Variants in LRCH3 observed in about 807,000 individuals in gnomAD.
LRCH3 encodes the protein DISP complex protein LRCH3.
A neutral mutation model predicts 104.5 loss-of-function variants in LRCH3; 68 were observed. That is an observed-to-expected ratio of 0.65 (90% CI 0.54 to 0.80). The LOEUF is 0.80. Ranked by LOEUF, LRCH3 falls within the 30% of genes least tolerant of loss-of-function variation. The probability of loss-of-function intolerance (pLI) is 0.00; values close to 1 mark genes in which losing one functional copy is unlikely to be tolerated. For synonymous variants in LRCH3, 344 were observed against 361.3 expected (o/e 0.95, Z 0.54); for missense variants, 951 against 953.9 (o/e 1.00, Z 0.04).
chr3:197,793,816 A>G (rs1478785714), intron 1 of LRCH3, among the ~76,000 whole-genome samples: 4 of 152,186 alleles, frequency 2.6e-5, no homozygotes, highest in African/African-American at 7.2e-5. Flanking sequence ...TTTATAAGCT[A>G]TTAGACTAGA....
intron 6 of LRCH3, 168 bp from the exon 7 acceptor site, chr3:197,830,602 T>G: frequency 3.5e-6 from 2 of 566,932 alleles, no homozygotes; most frequent in South Asian, 4.2e-5. Context: ...CTATTCTGTT[T>G]GCTTTGTTTC....
rs900767195 is a variant in LRCH3, at chr3:197,886,987, T to C, written c.*3321T>C. ...ATGAAACCTTATTAATGTATTTTTA[T>C]CAAACTAAATCAGATTTGTATTTGA... On this transcript the variant is annotated 3_prime_UTR_variant, in exon 21 of 21. Coordinates refer to ENST00000425562, the MANE Select transcript of LRCH3 (RefSeq NM_001365715.1). 1.3e-5 allele frequency: 2 copies of C among 152,196 alleles called. No individual in the cohort carries two copies. Among genetic ancestry groups the C allele is most frequent in the Non-Finnish European group, 2.9e-5 (2 of 68,040 alleles). 9.4% of individuals were successfully genotyped at this position (152,196 alleles called of 1,614,324 possible).
intron 4 of LRCH3, among the ~76,000 whole-genome samples, 178 bp downstream of exon 4, chr3:197,820,608 C>A (rs1033476462): frequency 6.6e-6 from 1 of 152,122 alleles, no homozygotes; most frequent in Non-Finnish European, 1.5e-5. Flanking sequence ...CCCAGGAATT[C>A]GAGACCAGCC....
chr3:197,883,987 A>G lies in LRCH3; in HGVS notation c.*321A>G, dbSNP rs1186884872. The G allele has an allele frequency of 3.9e-6, 1 of 254,962 alleles. No individual in the cohort carries two copies. Among genetic ancestry groups the G allele is most frequent in the Non-Finnish European group, 7.5e-6 (1 of 133,752 alleles). 15.8% of individuals were successfully genotyped at this position (254,962 alleles called of 1,614,324 possible). On this transcript the variant is annotated 3_prime_UTR_variant, in exon 21 of 21. Coordinates refer to ENST00000425562, the MANE Select transcript of LRCH3 (RefSeq NM_001365715.1). This position sits in a 1 kb window ranked among gnomAD's most constrained non-coding sequence, Gnocchi z 4.2. ...AGAAAGCACATCTTCTGTGTTAGGC[A>G]CAAGCATGCTGTGCCATTGTTTTTA... is the stretch of plus-strand genomic sequence containing the variant.
At chr3:197,872,480 C>T (rs918820353) in intron 19 of LRCH3, among the ~76,000 whole-genome samples, 3 of 151,990 alleles carry the variant, frequency 2.0e-5, no homozygotes, top group African/African-American at 7.3e-5. Context: ...CCTGTAGTCC[C>T]AGCTACTTGG....
At chr3:197,843,594 G>T (rs143570076) in intron 10 of LRCH3, among the ~76,000 whole-genome samples, 2,694 of 152,276 alleles carry the variant, frequency 0.018, 106 homozygotes, top group African/African-American at 0.062. Flanking sequence ...TGAGGCAGGA[G>T]AATTGCTTGA....
Position 197,826,862 on chromosome 3 carries a change from T to C in LRCH3, c.641-16T>C. Reference sequence around the variant, plus strand: ...AAACATCATTAATTGTTCATTTCCATTTTACCTTCTTGCAGAGCTGGCGGA... The same window carrying C: ...AAACATCATTAATTGTTCATTTCCACTTTACCTTCTTGCAGAGCTGGCGGA... On this transcript the variant is annotated splice_polypyrimidine_tract_variant and intron_variant, in intron 4 of 20. Coordinates refer to ENST00000425562, the MANE Select transcript of LRCH3 (RefSeq NM_001365715.1). 2 of 1,613,986 alleles carry C rather than the reference T, an allele frequency of 1.2e-6. No homozygotes were observed. Among genetic ancestry groups the C allele is most frequent in the Non-Finnish European group, 1.7e-6 (2 of 1,179,884 alleles).
intron 4 of LRCH3, among the ~76,000 whole-genome samples, chr3:197,821,556 G>C (rs1186353784): frequency 1.3e-5 from 2 of 152,158 alleles, no homozygotes; most frequent in South Asian, 4.1e-4. Flanking sequence ...AGATTAATTT[G>C]AATCAAATAC....
In LRCH3 at chr3:197,849,108, A is replaced by T. The variant is rs745700401; in HGVS notation, c.1530+1087A>T. ...GCAAAACCCTGTCTCAAGTAAAAATAAAAAAATTAGCTGGGCGTGGTGGTG... is the reference window on the plus strand; with the variant it reads ...GCAAAACCCTGTCTCAAGTAAAAATTAAAAAATTAGCTGGGCGTGGTGGTG... On this transcript the variant is annotated intron_variant, in intron 12 of 20. Transcript: ENST00000425562. Among the ~76,000 whole-genome samples, 39 of 151,982 alleles carry T rather than the reference A, an allele frequency of 2.6e-4. 1 individual carries two copies. The highest frequency in any genetic ancestry group is 4.9e-4 in the Non-Finnish European group (33 of 67,978).
intron 12 of LRCH3, chr3:197,848,267 A>G (rs983857162): frequency 2.4e-6 from 1 of 409,492 alleles, no homozygotes; most frequent in African/African-American, 2.0e-5. Context: ...CATTTCCTCA[A>G]TTTCTAGTGT....
chr3:197,845,897 C>CT (rs1218446522), intron 10 of LRCH3, among the ~76,000 whole-genome samples: 2 of 152,174 alleles, frequency 1.3e-5, no homozygotes, highest in African/African-American at 4.8e-5. Context: ...GGGCAAGACT[C>CT]TGTCTCAAAA....
intron 1 of LRCH3, among the ~76,000 whole-genome samples, chr3:197,807,207 CAT>C (rs1332104864): frequency 1.3e-5 from 2 of 150,388 alleles, no homozygotes; most frequent in Admixed American, 6.7e-5. Context: ...TTGTAAATAA[CAT>C]AGAGTTGCAT....
At chr3:197,822,387 C>G (rs1247871658) in intron 4 of LRCH3, among the ~76,000 whole-genome samples, 1 of 152,170 alleles carries the variant, frequency 6.6e-6, no homozygotes, top group Non-Finnish European at 1.5e-5. Context: ...CAAAGACTTA[C>G]TCCTATAATA....
intron 6 of LRCH3, 25 bp from the exon 7 acceptor site, chr3:197,830,745 C>G (rs370372827): frequency 6.4e-7 from 1 of 1,554,706 alleles, no homozygotes; most frequent in Non-Finnish European, 8.8e-7. Context: ...ACAAACTTTG[C>G]AGTAACAGAG....
chr3:197,837,440 C>T (rs1736983514), intron 9 of LRCH3, among the ~76,000 whole-genome samples: 1 of 152,016 alleles, frequency 6.6e-6, no homozygotes, highest in African/African-American at 2.4e-5. Context: ...ACTTCTGTGT[C>T]ATAAAGCTTT....
chr3:197,815,172 G>A, intron 2 of LRCH3, 120 bp downstream of exon 2: 1 of 563,542 alleles, frequency 1.8e-6, no homozygotes, highest in Non-Finnish European at 2.9e-6. Context: ...GTTTCTGTAT[G>A]TGCTCTTGGA....
At chr3:197,878,847 T>G (rs996160497) in intron 20 of LRCH3, among the ~76,000 whole-genome samples, 1 of 152,226 alleles carries the variant, frequency 6.6e-6, no homozygotes, top group Non-Finnish European at 1.5e-5. Context: ...ACATCCCCAC[T>G]TTGCTCTGTG....
At position 197,865,782 on chromosome 3, in the gene LRCH3, T is replaced by C. The variant is rs957713749; in HGVS notation, c.1765+311T>C. Among the ~76,000 whole-genome samples the C allele has an allele frequency of 3.7e-4, 56 of 150,900 alleles. No individual in the cohort carries two copies. The East Asian group carries it at 4.6e-3, about 13-fold the overall frequency. On this transcript the variant is annotated intron_variant, in intron 16 of 20. Transcript: ENST00000425562. The stretch of plus-strand genomic sequence containing the variant: ...AAACCACTGGGTTTTTTTTTTTTTT[T>C]CCCATTTTTAAATTAAATTGGTTGC...
rs1712944515 is a variant in LRCH3 at position 197,876,805 on chromosome 3, G to GGC, written c.2208+1030_2208+1031insGC. ...TGGTTCCTGTTCCTGTAGCTTCCAT[G>GGC]ACAGTGATTCTCTTTACCCAACTCA... On this transcript the variant is annotated intron_variant, in intron 20 of 20. Coordinates refer to ENST00000425562, the MANE Select transcript of LRCH3 (RefSeq NM_001365715.1). Among the ~76,000 whole-genome samples the GGC allele has an allele frequency of 9.7e-5, 14 of 143,840 alleles. 2 individuals carry two copies. The highest frequency in any genetic ancestry group is 1.8e-4 in the African/African-American group (7 of 38,554). 94.4% of individuals were successfully genotyped at this position (143,840 alleles called of 152,430 possible). A position where few individuals can be genotyped will look rare whatever the true frequency, so the allele number is the denominator to read the frequency against.
Sources: allele counts gnomAD v4.1 joint callset (sites outside exome capture counted in the v4.1 genomes callset), GRCh38; gene constraint gnomAD v4.1.1; non-coding constraint Gnocchi (gnomAD v3.1); transcripts MANE v1.5; gene names NCBI Gene and HGNC (gene_info 2026-07-23, HGNC 2026-07-21).